ZFHX3: variants seen among roughly 807,000 people sequenced by gnomAD.
The protein encoded by ZFHX3 is zinc finger homeobox protein 3.
ZFHX3 carries 42 observed loss-of-function variants against 279.1 expected under a neutral mutation model. The observed-to-expected ratio is 0.15, with a 90% confidence interval of 0.12 to 0.19. The LOEUF is 0.19. Ranked by LOEUF, ZFHX3 falls within the 10% of genes least tolerant of loss-of-function variation. The pLI is 1.00. For missense variants in ZFHX3, 4,981 were observed against 4,754.0 expected (o/e 1.05, Z -1.40); for synonymous variants, 2,293 against 1,957.8 (o/e 1.17, Z -4.52).
intron 2 of ZFHX3, among the ~76,000 whole-genome samples, chr16:73,516,252 C>T (rs545373211): frequency 1.3e-5 from 2 of 152,288 alleles, no homozygotes; most frequent in South Asian, 4.1e-4. Context: ...GGACTTAGAG[C>T]AGCATGTTCT....
chr16:72,924,000 C>T (rs1959297578), intron 3 of ZFHX3, among the ~76,000 whole-genome samples: 1 of 152,152 alleles, frequency 6.6e-6, no homozygotes, highest in Non-Finnish European at 1.5e-5. Context: ...GTGGGTTAGC[C>T]GTCGGCTGTA....
At chr16:72,859,766 G>C (rs866413893) in intron 4 of ZFHX3, among the ~76,000 whole-genome samples, 1 of 152,108 alleles carries the variant, frequency 6.6e-6, no homozygotes, top group Non-Finnish European at 1.5e-5. Flanking sequence ...ATGGGTTAGA[G>C]GAAATGAACA....
At chr16:73,296,877 A>ATTTTTTTTTTTTTTTTTTTT (rs201366558) in intron 4 of ZFHX3, among the ~76,000 whole-genome samples, 4 of 116,068 alleles carry the variant, frequency 3.4e-5, no homozygotes, top group African/African-American at 1.4e-4. Context: ...TGAAGCAGGA[A>ATTTTTTTTTTTTTTTTTTTT]TTTTTTTTTT....
At chr16:73,728,243 C>A (rs1372154162) in intron 1 of ZFHX3, among the ~76,000 whole-genome samples, 1 of 152,044 alleles carries the variant, frequency 6.6e-6, no homozygotes, top group Admixed American at 6.6e-5. Context: ...GAGGAAAGAC[C>A]ACATGAGCCA....
At chr16:72,968,032 A>G (rs1961931614) in intron 1 of ZFHX3, among the ~76,000 whole-genome samples, 1 of 151,804 alleles carries the variant, frequency 6.6e-6, no homozygotes, top group Admixed American at 6.6e-5. Context: ...AACAACAACA[A>G]TAACTTCACT....
chr16:73,557,960 A>G (rs1480168093), intron 2 of ZFHX3, among the ~76,000 whole-genome samples: 2 of 152,212 alleles, frequency 1.3e-5, no homozygotes, highest in Admixed American at 1.3e-4. Flanking sequence ...TGGAAGCACG[A>G]CATCTCAGTC....
At position 72,795,325 on chromosome 16, in the gene ZFHX3, C is replaced by G; in HGVS notation, c.7357G>C (p.Glu2453Gln). The G allele has an allele frequency of 1.2e-6, 2 of 1,614,050 alleles. No homozygotes were observed. Among genetic ancestry groups the G allele is most frequent in the South Asian group, 1.1e-5 (1 of 91,082 alleles). Residue 2453 changes from glutamate (E) to glutamine (Q), a missense_variant, in exon 9 of 10, where the codon GAG (glutamate) becomes CAG (glutamine). Physicochemically the swap from Glu to Gln is conservative, Grantham distance 29. Coordinates refer to ENST00000268489, the MANE Select transcript of ZFHX3 (RefSeq NM_006885.4). ...TCGGGCTGCTCTTGCTGCTGCAGCTCTGGCTTTGGTTGTCCTTGCTTTTCT... is the reference window on the plus strand; with the variant it reads ...TCGGGCTGCTCTTGCTGCTGCAGCTGTGGCTTTGGTTGTCCTTGCTTTTCT... ...TQEKQGQPKP[E>Q]LQQQEQPEQK...
At chr16:72,993,147 C>CA (rs995563110) in intron 1 of ZFHX3, among the ~76,000 whole-genome samples, 4 of 151,850 alleles carry the variant, frequency 2.6e-5, no homozygotes, top group East Asian at 1.9e-4. Flanking sequence ...AACAAACAAA[C>CA]AAAAAAAACA....
At chr16:73,721,360 G>A (rs1364336577) in intron 1 of ZFHX3, among the ~76,000 whole-genome samples, 1 of 152,152 alleles carries the variant, frequency 6.6e-6, no homozygotes, top group Non-Finnish European at 1.5e-5. Flanking sequence ...GACCTCAGGT[G>A]ATCTGCCCAC....
intron 3 of ZFHX3, among the ~76,000 whole-genome samples, chr16:73,445,898 T>A (rs1175561369): frequency 2.0e-5 from 3 of 152,210 alleles, no homozygotes; most frequent in Non-Finnish European, 4.4e-5. Context: ...TTCCATGAGT[T>A]CTGTCTTGAA....
Position 73,099,607 on chromosome 16 carries a change from A to G in ZFHX3, c.-896-6009T>C, listed in dbSNP as rs371285292. Among the ~76,000 whole-genome samples the G allele has an allele frequency of 2.0e-5, 3 of 150,466 alleles. No individual in the cohort carries two copies. In the East Asian group the frequency reaches 6.0e-4, roughly 30 times the overall value. On this transcript the variant is annotated intron_variant, in intron 7 of 17. Transcript: ENST00000641206. ...GCACCTTTAATCCCAGCTACTCAGG[A>G]GGCTGAGGCAGGAGAATAGCTTGAA...
At chr16:73,778,827 A>T (rs1374083682) in intron 1 of ZFHX3, among the ~76,000 whole-genome samples, 1 of 152,238 alleles carries the variant, frequency 6.6e-6, no homozygotes, top group Non-Finnish European at 1.5e-5. Context: ...AATGACTAAC[A>T]GTCTGTGCCT....
intron 1 of ZFHX3, among the ~76,000 whole-genome samples, chr16:72,989,576 G>A (rs1962996977): frequency 6.6e-6 from 1 of 152,036 alleles, no homozygotes; most frequent in Admixed American, 6.5e-5. Context: ...CAGTGCACAT[G>A]GATAAGTCAA....
chr16:73,346,929 T>A (rs1370528344), intron 3 of ZFHX3, among the ~76,000 whole-genome samples: 4 of 152,196 alleles, frequency 2.6e-5, no homozygotes, highest in Admixed American at 2.6e-4. Flanking sequence ...CACTTAAGAA[T>A]GATAATGATG....
chr16:73,716,267 T>C (rs1328083770), intron 1 of ZFHX3, among the ~76,000 whole-genome samples: 2 of 152,162 alleles, frequency 1.3e-5, no homozygotes, highest in African/African-American at 2.4e-5. Context: ...ATATATTATC[T>C]TTTCAAAGAT....
chr16:72,926,116 A>C (rs1031146142), intron 3 of ZFHX3, among the ~76,000 whole-genome samples: 3 of 152,220 alleles, frequency 2.0e-5, no homozygotes, highest in Non-Finnish European at 4.4e-5. Flanking sequence ...AAACACATCT[A>C]TCAACTGAAA....
intron 3 of ZFHX3, among the ~76,000 whole-genome samples, chr16:73,439,811 A>C (rs1477356337): frequency 6.7e-6 from 1 of 149,546 alleles, no homozygotes; most frequent in Non-Finnish European, 1.5e-5. Context: ...TGGATTGCTG[A>C]AATTGGACAC....
At chr16:73,191,522 G>A (rs141884360) in intron 5 of ZFHX3, among the ~76,000 whole-genome samples, 33 of 152,220 alleles carry the variant, frequency 2.2e-4, no homozygotes, top group African/African-American at 4.8e-4. Flanking sequence ...TTGACGTAAC[G>A]CTTGCAGATT....
intron 4 of ZFHX3, among the ~76,000 whole-genome samples, chr16:73,292,555 C>T (rs2014798878): frequency 6.6e-6 from 1 of 152,162 alleles, no homozygotes; most frequent in South Asian, 2.1e-4. Flanking sequence ...GAACAATCAC[C>T]TGAAAAAGGA....
Sources: allele counts gnomAD v4.1 joint callset (sites outside exome capture counted in the v4.1 genomes callset), GRCh38; gene constraint gnomAD v4.1.1; transcripts MANE v1.5; gene names NCBI Gene and HGNC (gene_info 2026-07-23, HGNC 2026-07-21).